TMEM38A: variants seen among roughly 807,000 people sequenced by gnomAD.
TMEM38A encodes transmembrane protein 38A, also known as trimeric intracellular cation channel type A.
In TMEM38A, 17 loss-of-function variants were observed where a neutral mutation model predicts 28.6. The observed-to-expected ratio is 0.60, with a 90% CI of 0.41 to 0.89. The LOEUF is 0.89. Among genes scored for constraint, TMEM38A ranks in the 40% least tolerant of loss-of-function variants. The pLI, the probability that TMEM38A is intolerant of heterozygous loss-of-function variation, is 0.00. For missense variants in TMEM38A, 328 were observed against 393.1 expected (o/e 0.83, Z 1.40); for synonymous variants, 169 against 166.1 (o/e 1.02, Z -0.14).
At chr19:16,663,452 A>G (rs917585681) in intron 1 of TMEM38A, among the ~76,000 whole-genome samples, 3 of 152,118 alleles carry the variant, frequency 2.0e-5, no homozygotes, top group Admixed American at 2.0e-4. Context: ...CAGAGCCTGA[A>G]GGTTCCTGAA....
rs1275996689 is a variant in TMEM38A, at chr19:16,661,338, C to G, written c.121C>G (p.Pro41Ala). ...CTCCATCCTCTACCTCAAGTATGAG[C>G]CAGGTGAGCCGGGGCGGGGGGCTGG... ...IVSILYLKYE[P>A]GAVELSRRHP... Residue 41 changes from proline (P) to alanine (A), a missense_variant, in exon 1 of 6, where the codon CCA becomes GCA. Coordinates refer to ENST00000187762, the MANE Select transcript of TMEM38A (RefSeq NM_024074.4). This position sits in a 1 kb window ranked among gnomAD's most constrained non-coding sequence, Gnocchi z 6.5. The G allele has an allele frequency of 6.3e-7, 1 of 1,588,836 alleles. No individual in the cohort carries two copies. Among genetic ancestry groups the G allele is most frequent in the Non-Finnish European group, 8.6e-7 (1 of 1,167,712 alleles).
At chr19:16,664,799 G>C (rs1446190917) in intron 1 of TMEM38A, among the ~76,000 whole-genome samples, 1 of 151,824 alleles carries the variant, frequency 6.6e-6, no homozygotes, top group East Asian at 1.9e-4. Flanking sequence ...GAGCTGCAGC[G>C]AGCTATGATC....
chr19:16,672,446 A>AT (rs746189021), intron 1 of TMEM38A, among the ~76,000 whole-genome samples: 1,337 of 104,966 alleles, frequency 0.013, 37 homozygotes, highest in Middle Eastern at 0.051. Context: ...AAAAAACCTC[A>AT]TTTTTTTTTT....
chr19:16,680,717 C>T, intron 3 of TMEM38A, 136 bp downstream of exon 3: 1 of 765,378 alleles, frequency 1.3e-6, no homozygotes. Flanking sequence ...TTCAAACCTC[C>T]CTACAGGTAT....
At chr19:16,665,978 T>G (rs2086701446) in intron 1 of TMEM38A, among the ~76,000 whole-genome samples, 1 of 151,430 alleles carries the variant, frequency 6.6e-6, no homozygotes, top group Admixed American at 6.6e-5. Context: ...CCAGCTAATT[T>G]TTTTGTTTTG....
In TMEM38A at chr19:16,689,622, C is replaced by T. The variant is rs1386927830; in HGVS notation, c.*1251C>T. The T allele has an allele frequency of 6.6e-6, 1 of 152,264 alleles. No homozygotes were observed. Among genetic ancestry groups the T allele is most frequent in the African/African-American group, 2.4e-5 (1 of 41,458 alleles). The allele number at this position is 152,264 out of a possible 1,614,324, so 9.4% of individuals were successfully genotyped here. A position where few individuals can be genotyped will look rare whatever the true frequency, so the allele number is the denominator to read the frequency against. On this transcript the variant is annotated 3_prime_UTR_variant, in exon 6 of 6. Transcript: ENST00000187762. ...TGGGACCTGGATGTATCAGGTCTCC[C>T]TCAGGCTGGAGTCCACTGTCACTCA...
At chr19:16,666,364 G>A (rs1315716389) in intron 1 of TMEM38A, among the ~76,000 whole-genome samples, 2 of 151,704 alleles carry the variant, frequency 1.3e-5, no homozygotes, top group Admixed American at 6.6e-5. Context: ...TAATCCACCC[G>A]CCTCAGCCTC....
At position 16,680,523 on chromosome 19, in the gene TMEM38A, C is replaced by T. The variant is rs142859817; in HGVS notation, c.408C>T (p.His136=). The T allele has an allele frequency of 5.6e-5, 90 of 1,614,034 alleles. No individual in the cohort carries two copies. Among genetic ancestry groups the T allele is most frequent in the Admixed American group, 4.0e-4 (24 of 59,976 alleles). Residue 136 remains histidine, a synonymous_variant, in exon 3 of 6, where the codon CAC becomes CAT. Coordinates refer to ENST00000187762, the MANE Select transcript of TMEM38A (RefSeq NM_024074.4). ...RVRKIAVGIH[H]AHHHYHHGWF... ...GCAAGATCGCGGTGGGCATCCATCA[C>T]GCCCATCACCACTACCACCACGGGT...
At chr19:16,685,823 T>C (rs1001950777) in intron 4 of TMEM38A, among the ~76,000 whole-genome samples, 4 of 152,180 alleles carry the variant, frequency 2.6e-5, no homozygotes, top group Admixed American at 1.3e-4. Context: ...TTGGACCAGG[T>C]TAACCCATCA....
intron 3 of TMEM38A, 40 bp from the exon 4 acceptor site, chr19:16,682,381 T>TG (rs1310493374): frequency 6.5e-7 from 1 of 1,549,772 alleles, no homozygotes. Context: ...AAAGGAGACC[T>TG]GGGGGTGGTG....
At chr19:16,671,073 C>T (rs1006944793) in intron 1 of TMEM38A, among the ~76,000 whole-genome samples, 6 of 152,136 alleles carry the variant, frequency 3.9e-5, no homozygotes, top group African/African-American at 1.4e-4. Context: ...GAGGGACTAG[C>T]CTAAGCTCAC....
At chr19:16,663,446 G>A (rs1171210543) in intron 1 of TMEM38A, among the ~76,000 whole-genome samples, 3 of 152,200 alleles carry the variant, frequency 2.0e-5, no homozygotes, top group South Asian at 4.1e-4. Context: ...AAGTGCCAGA[G>A]CCTGAAGGTT....
intron 2 of TMEM38A, 21 bp downstream of exon 2, chr19:16,680,161 G>A: frequency 6.2e-7 from 1 of 1,602,974 alleles, no homozygotes; most frequent in Non-Finnish European, 8.5e-7. Context: ...CTGGGCATGG[G>A]AGAGCAGAGC....
At chr19:16,678,256 C>G (rs1444044544) in intron 1 of TMEM38A, among the ~76,000 whole-genome samples, 2 of 151,946 alleles carry the variant, frequency 1.3e-5, no homozygotes, top group Non-Finnish European at 2.9e-5. Context: ...TGGTGAACCC[C>G]CATCTCCACT....
Position 16,675,965 on chromosome 19 carries a change from G to A in TMEM38A, c.125-4019G>A, listed in dbSNP as rs190766706. ...GATTTCAACATACGAATTTTGGAGA[G>A]ACAGAAACATTCTGTCCACAACAGA... On this transcript the variant is annotated intron_variant, in intron 1 of 5. Transcript: ENST00000187762. 5.4e-4 allele frequency among the ~76,000 whole-genome samples: 82 copies of A among 152,108 alleles called. No homozygotes were observed. In the South Asian group the frequency reaches 0.013, roughly 24 times the overall value.
chr19:16,672,988 G>A (rs1188138184), intron 1 of TMEM38A, among the ~76,000 whole-genome samples: 1 of 152,082 alleles, frequency 6.6e-6, no homozygotes, highest in East Asian at 1.9e-4. Context: ...TGCCCCCATA[G>A]CAAAAAATGA....
chr19:16,665,872 G>C (rs886854166), intron 1 of TMEM38A, among the ~76,000 whole-genome samples: 1 of 149,856 alleles, frequency 6.7e-6, no homozygotes, highest in Non-Finnish European at 1.5e-5. Flanking sequence ...GCAGTGGCAC[G>C]ATCTCAGCTC....
Position 16,677,074 on chromosome 19 carries a change from GAA to G in TMEM38A, c.125-2896_125-2895del, listed in dbSNP as rs398079759. Among the ~76,000 whole-genome samples, 101 of 109,098 alleles carry G rather than the reference GAA, an allele frequency of 9.3e-4. 1 individual carries two copies. The highest frequency in any genetic ancestry group is 2.8e-3 in the African/African-American group (90 of 32,144). 71.6% of individuals were successfully genotyped at this position (109,098 alleles called of 152,430 possible). ...CCGTGCCCAGCCCTTTTTTTAAAAA[GAA>G]AAAAAAAAAAAAAGCCCAGCTATAG... On this transcript the variant is annotated intron_variant, in intron 1 of 5. Transcript: ENST00000187762.
chr19:16,683,083 C>T (rs1396584269), intron 4 of TMEM38A, among the ~76,000 whole-genome samples: 10 of 152,272 alleles, frequency 6.6e-5, no homozygotes, highest in East Asian at 3.9e-4. Flanking sequence ...AAGAGATTCT[C>T]GTGCCTCAGC....
Sources: gnomAD v4.1 joint callset for allele counts (sites outside exome capture counted in the v4.1 genomes callset) on GRCh38, gnomAD v4.1.1 for gene constraint, Gnocchi (gnomAD v3.1) non-coding constraint, MANE v1.5 for transcripts, NCBI Gene and HGNC (gene_info 2026-07-23, HGNC 2026-07-21) for gene names.